Variants in LHFPL2 observed in about 807,000 individuals in gnomAD.
LHFPL2 encodes the protein LHFPL tetraspan subfamily member 2 protein.
A neutral mutation model predicts 17.5 loss-of-function variants in LHFPL2; 7 were observed. The ratio of observed to expected loss-of-function variants is 0.40; its 90% CI spans 0.23 to 0.75. The LOEUF (loss-of-function observed/expected upper bound fraction) is 0.75. Ranked by LOEUF, LHFPL2 falls within the 30% of genes least tolerant of loss-of-function variation. The pLI, the probability that LHFPL2 is intolerant of heterozygous loss-of-function variation, is 0.37. For missense variants in LHFPL2, 241 were observed against 294.8 expected (o/e 0.82, Z 1.34); for synonymous variants, 134 against 116.2 (o/e 1.15, Z -0.99).
At chr5:78,642,533 G>C (rs1306317819) in intron 1 of LHFPL2, among the ~76,000 whole-genome samples, 1 of 152,158 alleles carries the variant, frequency 6.6e-6, no homozygotes, top group Non-Finnish European at 1.5e-5. Context: ...GGATGAAAGA[G>C]AAAATTTCAC....
chr5:78,584,888 T>C (rs1450449018), intron 2 of LHFPL2, among the ~76,000 whole-genome samples: 3 of 151,846 alleles, frequency 2.0e-5, no homozygotes, highest in Admixed American at 6.6e-5. Flanking sequence ...CCAGCCTCGC[T>C]GCCGCCTTGC....
chr5:78,575,074 C>A (rs2112431895), intron 2 of LHFPL2, among the ~76,000 whole-genome samples: 1 of 152,308 alleles, frequency 6.6e-6, no homozygotes, highest in East Asian at 1.9e-4. Context: ...ATCCTGTGTT[C>A]TTGCCAGTGG....
At chr5:78,589,467 CAAA>C (rs35349495) in intron 2 of LHFPL2, among the ~76,000 whole-genome samples, 1 of 131,560 alleles carries the variant, frequency 7.6e-6, no homozygotes. Context: ...AACTCCATCT[CAAA>C]AAAAAAAAAA....
intron 3 of LHFPL2, among the ~76,000 whole-genome samples, chr5:78,527,449 C>T (rs139401130): frequency 1.1e-3 from 156 of 146,076 alleles, no homozygotes; most frequent in Admixed American, 2.8e-3. Flanking sequence ...AAATGACAAC[C>T]GCACTTGCAG....
intron 3 of LHFPL2, among the ~76,000 whole-genome samples, chr5:78,563,365 C>A (rs894357837): frequency 2.0e-5 from 3 of 152,134 alleles, no homozygotes; most frequent in East Asian, 1.9e-4. Context: ...AAATTAATTT[C>A]TCCCACCTCC....
At chr5:78,500,448 G>A (rs1230788862) in intron 4 of LHFPL2, among the ~76,000 whole-genome samples, 3 of 152,128 alleles carry the variant, frequency 2.0e-5, no homozygotes, top group Non-Finnish European at 2.9e-5. Flanking sequence ...CAGGCATCTG[G>A]CTCTCGTGAA....
In LHFPL2 at chr5:78,615,989, T is replaced by C. The variant is rs78267130; in HGVS notation, c.-245+16275A>G. Among the ~76,000 whole-genome samples the C allele has an allele frequency of 5.0e-3, 764 of 152,010 alleles. 8 individuals are homozygous for C. Among genetic ancestry groups the C allele is most frequent in the African/African-American group, 0.017 (723 of 41,478 alleles). Reference sequence around the variant, plus strand: ...AGGACCAGGAATGCTTACCTAACAGTTGCACTCTCTTCTGCAACTTGCTCA... The same window carrying C: ...AGGACCAGGAATGCTTACCTAACAGCTGCACTCTCTTCTGCAACTTGCTCA... On this transcript the variant is annotated intron_variant, in intron 2 of 4. Coordinates refer to ENST00000380345, the MANE Select transcript of LHFPL2 (RefSeq NM_005779.3).
chr5:78,503,826 ATTAT>A lies in LHFPL2; in HGVS notation c.430+5954_430+5957del, dbSNP rs1296834512. On this transcript the variant is annotated intron_variant, in intron 4 of 4. Coordinates refer to ENST00000380345, the MANE Select transcript of LHFPL2 (RefSeq NM_005779.3). ...GTTGAATTCTTCATTCCCTTTATATATTATTTATTTTATATTTCTTTTGCTTCTC... is the reference window on the plus strand; with the variant it reads ...GTTGAATTCTTCATTCCCTTTATATATTATTTTATATTTCTTTTGCTTCTC... 2.6e-5 allele frequency among the ~76,000 whole-genome samples: 4 copies of A among 151,990 alleles called. No homozygotes were observed. The East Asian group carries it at 5.8e-4, about 22-fold the overall frequency.
In LHFPL2 at chr5:78,489,093, A is replaced by G. The variant is rs1380718261; in HGVS notation, c.491T>C (p.Ile164Thr). ...AGATGCATAATGTCCACAGTAGTCT[A>G]TGGCCTTCTGGCAACCCCAGCCAGC... ...YPAGWGCQKA[I>T]DYCGHYASAY... Residue 164 changes from isoleucine (I) to threonine (T), a missense_variant, in exon 5 of 5, where the codon ATA (isoleucine) becomes ACA (threonine). Ile to Thr is a moderately conservative substitution (Grantham distance 89, BLOSUM62 -1). Coordinates refer to ENST00000380345, the MANE Select transcript of LHFPL2 (RefSeq NM_005779.3). The G allele has an allele frequency of 1.2e-6, 2 of 1,614,228 alleles. No homozygotes were observed. Among genetic ancestry groups the G allele is most frequent in the Admixed American group, 1.7e-5 (1 of 60,034 alleles).
intron 2 of LHFPL2, among the ~76,000 whole-genome samples, chr5:78,590,789 G>A (rs2363546): frequency 0.38 from 57,865 of 152,026 alleles, 11,812 homozygotes; most frequent in Middle Eastern, 0.48. Context: ...GTAGAACAGC[G>A]TAAAGTCATA....
chr5:78,615,231 G>A (rs557349515), intron 2 of LHFPL2, among the ~76,000 whole-genome samples: 3 of 152,152 alleles, frequency 2.0e-5, no homozygotes, highest in Non-Finnish European at 2.9e-5. Context: ...GGAGACGGGA[G>A]AAGCGAGAGT....
chr5:78,627,045 C>A (rs1270301645), intron 2 of LHFPL2, among the ~76,000 whole-genome samples: 1 of 152,110 alleles, frequency 6.6e-6, no homozygotes, highest in Non-Finnish European at 1.5e-5. Flanking sequence ...CGCACCACTG[C>A]ACTCCAGCCT....
intron 4 of LHFPL2, among the ~76,000 whole-genome samples, chr5:78,506,959 C>A (rs1754950414): frequency 6.6e-6 from 1 of 152,082 alleles, no homozygotes; most frequent in Non-Finnish European, 1.5e-5. Flanking sequence ...AAGATCAGCA[C>A]CAGCCCTCAG....
At chr5:78,567,690 G>T (rs1013095473) in intron 2 of LHFPL2, among the ~76,000 whole-genome samples, 1 of 152,152 alleles carries the variant, frequency 6.6e-6, no homozygotes, top group African/African-American at 2.4e-5. Context: ...CAGGCAAAAA[G>T]AAACTTAACC....
intron 2 of LHFPL2, among the ~76,000 whole-genome samples, chr5:78,619,775 A>C (rs10474563): frequency 8.6e-6 from 1 of 116,508 alleles, no homozygotes; most frequent in Non-Finnish European, 1.8e-5. Flanking sequence ...TTGTCCTTGC[A>C]ATAGTTTACT....
At chr5:78,490,109 AGAGTG>A (rs1408977448) in intron 4 of LHFPL2, among the ~76,000 whole-genome samples, 1 of 152,266 alleles carries the variant, frequency 6.6e-6, no homozygotes, top group Admixed American at 6.5e-5. Context: ...TACTTTTAAG[AGAGTG>A]GACACTAATA....
At chr5:78,598,947 A>G (rs17455697) in intron 2 of LHFPL2, among the ~76,000 whole-genome samples, 59,919 of 152,086 alleles carry the variant, frequency 0.39, 12,129 homozygotes, top group Middle Eastern at 0.48. Context: ...CCTGTACAAC[A>G]CCTTCAAATT....
intron 2 of LHFPL2, among the ~76,000 whole-genome samples, chr5:78,618,217 A>T (rs1161024527): frequency 6.6e-6 from 1 of 152,064 alleles, no homozygotes; most frequent in African/African-American, 2.4e-5. Flanking sequence ...GAAAAAAAAA[A>T]ATTATTCAGG....
chr5:78,639,456 G>T (rs1036108107), intron 1 of LHFPL2, among the ~76,000 whole-genome samples: 1 of 152,192 alleles, frequency 6.6e-6, no homozygotes, highest in Non-Finnish European at 1.5e-5. Flanking sequence ...GGCACACTAT[G>T]CTACGAATTA....
Sources: gnomAD v4.1 joint callset for allele counts (sites outside exome capture counted in the v4.1 genomes callset) on GRCh38, gnomAD v4.1.1 for gene constraint, MANE v1.5 for transcripts, NCBI Gene and HGNC (gene_info 2026-07-23, HGNC 2026-07-21) for gene names.